The following SMARCAL1 variants were observed in gnomAD, a reference collection of about 807,000 sequenced individuals.
SMARCAL1 encodes ATP-driven annealing helicase.
In SMARCAL1, 58 loss-of-function variants were observed where a neutral mutation model predicts 94.5. The ratio of observed to expected loss-of-function variants is 0.61; its 90% CI spans 0.50 to 0.76. The LOEUF is 0.76. Among genes scored for constraint, SMARCAL1 ranks in the 30% least tolerant of loss-of-function variants. The pLI is 0.00. For missense variants in SMARCAL1, 1,051 were observed against 1,177.9 expected, an observed-to-expected ratio of 0.89 and a Z score of 1.58; for synonymous variants, 422 against 455.1, an observed-to-expected ratio of 0.93 and a Z score of 0.93.
intron 11 of SMARCAL1, among the ~76,000 whole-genome samples, chr2:216,450,431 G>A (rs1694422937): frequency 6.6e-6 from 1 of 152,204 alleles, no homozygotes; most frequent in Non-Finnish European, 1.5e-5. Flanking sequence ...AGATGTTACT[G>A]ACATTATTTT....
At chr2:216,429,673 A>G (rs1458838555) in intron 7 of SMARCAL1, among the ~76,000 whole-genome samples, 4 of 152,024 alleles carry the variant, frequency 2.6e-5, no homozygotes, top group Non-Finnish European at 5.9e-5. Context: ...CTGACAAACC[A>G]CAACAGCCTG....
intron 6 of SMARCAL1, among the ~76,000 whole-genome samples, chr2:216,428,198 T>C (rs1452176975): frequency 6.6e-6 from 1 of 152,128 alleles, no homozygotes; most frequent in Admixed American, 6.5e-5. Flanking sequence ...GGTCTCTAGG[T>C]CTGTCATTTT....
intron 14 of SMARCAL1, among the ~76,000 whole-genome samples, chr2:216,471,603 C>CT (rs1284317883): frequency 6.6e-6 from 1 of 152,186 alleles, no homozygotes; most frequent in African/African-American, 2.4e-5. Flanking sequence ...ATCCACCCAC[C>CT]TTGGCCTCCC....
intron 17 of SMARCAL1, among the ~76,000 whole-genome samples, chr2:216,480,605 G>A (rs1695174567): frequency 6.6e-6 from 1 of 152,194 alleles, no homozygotes; most frequent in Non-Finnish European, 1.5e-5. Context: ...CTCTCTGCAA[G>A]GCTGGGATCC....
At chr2:216,432,971 C>T in intron 8 of SMARCAL1, 103 bp downstream of exon 8, 2 of 1,455,532 alleles carry the variant, frequency 1.4e-6, no homozygotes, top group Non-Finnish European at 1.9e-6. Flanking sequence ...TTTAAGGATC[C>T]TGTCTCAAGT....
chr2:216,457,353 C>T (rs1694589801), intron 12 of SMARCAL1, among the ~76,000 whole-genome samples: 1 of 152,218 alleles, frequency 6.6e-6, no homozygotes, highest in South Asian at 2.1e-4. Context: ...TAGACATCTA[C>T]AGAACTCTCC....
chr2:216,481,443 G>A (rs1371167816), intron 17 of SMARCAL1, among the ~76,000 whole-genome samples: 2 of 151,952 alleles, frequency 1.3e-5, no homozygotes, highest in Non-Finnish European at 2.9e-5. Context: ...TGATCCCCCC[G>A]CCTCGGCCTC....
intron 17 of SMARCAL1, among the ~76,000 whole-genome samples, chr2:216,478,734 T>C (rs1695140288): frequency 6.6e-6 from 1 of 152,290 alleles, no homozygotes; most frequent in South Asian, 2.1e-4. Flanking sequence ...TCTCAGTGTC[T>C]CCCCACTTGA....
intron 7 of SMARCAL1, among the ~76,000 whole-genome samples, chr2:216,431,020 G>A (rs1013120654): frequency 4.6e-5 from 7 of 152,250 alleles, no homozygotes; most frequent in African/African-American, 1.7e-4. Context: ...TTCCTCCCCA[G>A]TGGAGGGTGA....
chr2:216,438,280 G>A, intron 9 of SMARCAL1, 140 bp from the exon 10 acceptor site: 1 of 747,636 alleles, frequency 1.3e-6, no homozygotes, highest in Admixed American at 2.0e-5. Context: ...CCTAGGCCCA[G>A]TGAGCCATCT....
chr2:216,442,707 G>A (rs558281962), intron 10 of SMARCAL1, among the ~76,000 whole-genome samples: 11 of 152,146 alleles, frequency 7.2e-5, no homozygotes, highest in Admixed American at 2.6e-4. Context: ...GACTTCTACC[G>A]CATTCTTGCA....
At chr2:216,438,743 A>G (rs1023034000) in intron 10 of SMARCAL1, among the ~76,000 whole-genome samples, 3 of 152,144 alleles carry the variant, frequency 2.0e-5, no homozygotes, top group African/African-American at 7.2e-5. Flanking sequence ...TCGAAGGTCA[A>G]GACTGTTGAG....
rs759179617 is a variant in SMARCAL1 at position 216,420,511 on chromosome 2, C to T, written c.1075C>T (p.Gln359Ter). 6.2e-7 allele frequency: 1 copy of T among 1,613,654 alleles called. No homozygotes were observed. Residue 359 changes from glutamine to a stop codon, truncating the protein, a stop_gained, in exon 5 of 18, where the codon CAG (glutamine) becomes TAG (stop). Transcript: ENST00000357276. LOFTEE classifies it high-confidence loss of function. ...ACAGGACCTTATTGCGCTTTTTAAA[C>T]AGATGGATTCCAGAAGATATGGCAA... Reference protein sequence around the residue: ...YSQDLIALFKQMDSRRYDVKT... With the variant: ...YSQDLIALFK
At chr2:216,470,691 G>A (rs545913645) in intron 14 of SMARCAL1, among the ~76,000 whole-genome samples, 1 of 151,968 alleles carries the variant, frequency 6.6e-6, no homozygotes, top group African/African-American at 2.4e-5. Context: ...GTCTTGCCAT[G>A]TTGCCCAGGC....
intron 12 of SMARCAL1, among the ~76,000 whole-genome samples, chr2:216,455,038 A>C (rs748946048): frequency 6.6e-6 from 1 of 152,258 alleles, no homozygotes; most frequent in Non-Finnish European, 1.5e-5. Flanking sequence ...AGCAAACTGC[A>C]CACCAGGAGA....
intron 12 of SMARCAL1, 79 bp downstream of exon 12, chr2:216,451,143 C>G (rs1311815163): frequency 8.8e-7 from 1 of 1,137,396 alleles, no homozygotes; most frequent in African/African-American, 1.5e-5. Context: ...TGAAAATGAC[C>G]TGGCATTCTC....
intron 5 of SMARCAL1, 103 bp downstream of exon 5, chr2:216,420,635 G>A: frequency 1.1e-6 from 1 of 876,578 alleles, no homozygotes; most frequent in Non-Finnish European, 1.9e-6. Context: ...TACTTTCTTG[G>A]GAAAGACTTC....
chr2:216,478,242 C>T lies in SMARCAL1; in HGVS notation c.2568C>T (p.Ala856=), dbSNP rs772917843. ...AGAAGATTAAAGTTCTGGCAGAAGC[C>T]GGGCTTTCTGAGACCAATTTTTCAG... is the stretch of plus-strand genomic sequence containing the variant. ...IQEKIKVLAE[A]GLSETNFSEM... is the part of the protein sequence containing the mutation. The change falls in exon 17 of 18, where the codon GCC becomes GCT. Residue 856 remains alanine (A), a synonymous_variant. Transcript: ENST00000357276. The T allele has an allele frequency of 1.4e-5, 23 of 1,614,038 alleles. No homozygotes were observed. Among genetic ancestry groups the T allele is most frequent in the African/African-American group, 8.0e-5 (6 of 74,920 alleles).
At chr2:216,452,521 G>A (rs1694471657) in intron 12 of SMARCAL1, among the ~76,000 whole-genome samples, 1 of 152,082 alleles carries the variant, frequency 6.6e-6, no homozygotes, top group Admixed American at 6.6e-5. Context: ...TTCCTTGTGT[G>A]TGTGAGATGG....
Sources: gnomAD v4.1 joint callset for allele counts (sites outside exome capture counted in the v4.1 genomes callset) on GRCh38, gnomAD v4.1.1 for gene constraint, MANE v1.5 for transcripts, NCBI Gene and HGNC (gene_info 2026-07-23, HGNC 2026-07-21) for gene names.